The following RORB variants were observed in gnomAD, a reference collection of about 807,000 sequenced individuals.
The protein encoded by RORB is RAR related orphan receptor B.
In RORB, 6 loss-of-function variants were observed where a neutral mutation model predicts 59.1. The observed-to-expected ratio is 0.10, with a 90% CI of 0.06 to 0.20. The LOEUF (loss-of-function observed/expected upper bound fraction) is 0.20. RORB is among the 10% of genes least tolerant of loss of function. RORB has a pLI of 1.00. For missense variants in RORB, 320 were observed against 560.5 expected, an observed-to-expected ratio of 0.57 and a Z score of 4.33; for synonymous variants, 215 against 204.5, an observed-to-expected ratio of 1.05 and a Z score of -0.44.
At chr9:74,521,585 C>G (rs1356549705) in intron 1 of RORB, among the ~76,000 whole-genome samples, 1 of 151,786 alleles carries the variant, frequency 6.6e-6, no homozygotes, top group Non-Finnish European at 1.5e-5. Context: ...GCACAGCTTT[C>G]AATAATATAT....
chr9:74,515,763 T>G (rs1201645779), intron 1 of RORB, among the ~76,000 whole-genome samples: 1 of 151,992 alleles, frequency 6.6e-6, no homozygotes, highest in Non-Finnish European at 1.5e-5. Context: ...CATTCCCAAA[T>G]GACATCTGTA....
chr9:74,514,291 A>G (rs1825980357), intron 1 of RORB, among the ~76,000 whole-genome samples: 1 of 152,050 alleles, frequency 6.6e-6, no homozygotes, highest in South Asian at 2.1e-4. Flanking sequence ...TAGACCACAT[A>G]TCTGCAAACT....
chr9:74,674,707 C>T (rs1410557714), intron 9 of RORB, among the ~76,000 whole-genome samples: 1 of 152,084 alleles, frequency 6.6e-6, no homozygotes, highest in African/African-American at 2.4e-5. Flanking sequence ...ATTTCAATTC[C>T]CATGTGTTAA....
At chr9:74,571,070 A>T (rs538882701) in intron 1 of RORB, among the ~76,000 whole-genome samples, 127 of 152,120 alleles carry the variant, frequency 8.3e-4, no homozygotes, top group African/African-American at 2.9e-3. Context: ...AAATGTGTGC[A>T]TTAAAGTTTC....
At chr9:74,656,079 TA>T (rs1563965764) in intron 4 of RORB, among the ~76,000 whole-genome samples, 1 of 152,242 alleles carries the variant, frequency 6.6e-6, no homozygotes, top group African/African-American at 2.4e-5. Context: ...TCTGAGTGCT[TA>T]GGCTTTAAGA....
At position 74,634,707 on chromosome 9, in the gene RORB, C is replaced by T. The variant is rs779534868; in HGVS notation, c.170C>T (p.Thr57Met). The T allele has an allele frequency of 3.5e-5, 57 of 1,613,512 alleles. No individual in the cohort carries two copies. Among genetic ancestry groups the T allele is most frequent in the Admixed American group, 1.5e-4 (9 of 59,932 alleles). The part of the protein sequence containing the change: ...PRQRNCLIDR[T>M]NRNRCQHCRL... ...CAGAGAAACTGTTTAATTGACAGAA[C>T]GAACAGAAACCGTTGCCAACACTGC... The change falls in exon 3 of 10, where the codon ACG becomes ATG. Residue 57 changes from threonine (T) to methionine (M), a missense_variant. Physicochemically the swap from Thr to Met is moderately conservative, Grantham distance 81. Coordinates refer to ENST00000376896, the MANE Select transcript of RORB (RefSeq NM_006914.4).
chr9:74,595,156 C>T (rs1173342848), intron 1 of RORB, among the ~76,000 whole-genome samples: 2 of 152,170 alleles, frequency 1.3e-5, no homozygotes, highest in Admixed American at 1.3e-4. Flanking sequence ...GGTTATCTTC[C>T]TATTCAGAAA....
At chr9:74,538,004 T>C (rs1826346892) in intron 1 of RORB, among the ~76,000 whole-genome samples, 3 of 151,894 alleles carry the variant, frequency 2.0e-5, no homozygotes, top group Admixed American at 2.0e-4. Context: ...AATGGTAAGT[T>C]TCCTATATAG....
chr9:74,640,328 C>T (rs901467741), intron 3 of RORB, among the ~76,000 whole-genome samples: 1 of 152,050 alleles, frequency 6.6e-6, no homozygotes, highest in African/African-American at 2.4e-5. Context: ...GCAGTTTCTG[C>T]CTCCTGGGTT....
chr9:74,553,277 T>C (rs1446425214), intron 1 of RORB, among the ~76,000 whole-genome samples: 1 of 152,210 alleles, frequency 6.6e-6, no homozygotes, highest in East Asian at 1.9e-4. Flanking sequence ...GCCTCTTTTT[T>C]CATTTACATT....
rs79175441 is a variant in RORB, at chr9:74,586,670, G to A, written c.8-43612G>A. Among the ~76,000 whole-genome samples, 913 of 147,646 alleles carry A rather than the reference G, an allele frequency of 6.2e-3. 8 individuals carry two copies. Among genetic ancestry groups the A allele is most frequent in the African/African-American group, 0.021 (859 of 40,110 alleles). ...AGATTATTTTATTCTGGGAATCATT[G>A]TTCCTACTTCTTATGCTACTCCACA... On this transcript the variant is annotated intron_variant, in intron 1 of 9. Coordinates refer to ENST00000376896, the MANE Select transcript of RORB (RefSeq NM_006914.4).
chr9:74,528,363 G>T (rs1826187689), intron 1 of RORB, among the ~76,000 whole-genome samples: 1 of 151,996 alleles, frequency 6.6e-6, no homozygotes, highest in African/African-American at 2.4e-5. Context: ...GTTTATTCTG[G>T]TTAGTACTGC....
intron 1 of RORB, among the ~76,000 whole-genome samples, chr9:74,545,672 A>G (rs942801065): frequency 1.3e-5 from 2 of 152,238 alleles, no homozygotes. Flanking sequence ...GAAATTTCTC[A>G]GGAGAGAAAG....
At position 74,688,044 on chromosome 9, in the gene RORB, G is replaced by A. The variant is rs1824675207; in HGVS notation, c.*2426G>A. 6.6e-6 allele frequency: 1 copy of A among 152,176 alleles called. No individual in the cohort carries two copies. Among genetic ancestry groups the A allele is most frequent in the Non-Finnish European group, 1.5e-5 (1 of 68,036 alleles). The allele number at this position is 152,176 out of a possible 1,614,324, so 9.4% of individuals were successfully genotyped here. A position where few individuals can be genotyped will look rare whatever the true frequency, so the allele number is the denominator to read the frequency against. On this transcript the variant is annotated 3_prime_UTR_variant, in exon 10 of 10. Coordinates refer to ENST00000376896, the MANE Select transcript of RORB (RefSeq NM_006914.4). ...TTTAAATTGGCTCAATTGATGAAGT[G>A]GCTCAGAATTTTTTCCTCCCTTTTC...
chr9:74,591,593 T>C (rs1331857847), intron 1 of RORB, among the ~76,000 whole-genome samples: 1 of 152,204 alleles, frequency 6.6e-6, no homozygotes, highest in African/African-American at 2.4e-5. Context: ...AGTCTGATTA[T>C]TTATTTTACT....
At chr9:74,597,093 T>C (rs1822980291) in intron 1 of RORB, among the ~76,000 whole-genome samples, 1 of 152,182 alleles carries the variant, frequency 6.6e-6, no homozygotes, top group Non-Finnish European at 1.5e-5. Context: ...GCTCAGTCGG[T>C]CTGAAATTAG....
At chr9:74,591,644 C>T (rs114361382) in intron 1 of RORB, among the ~76,000 whole-genome samples, 228 of 152,248 alleles carry the variant, frequency 1.5e-3, no homozygotes, top group African/African-American at 5.3e-3. Context: ...TAGATGCTTT[C>T]ATGGAATTTG....
intron 1 of RORB, among the ~76,000 whole-genome samples, chr9:74,501,503 C>T (rs924761639): frequency 5.9e-5 from 9 of 152,128 alleles, no homozygotes; most frequent in South Asian, 2.1e-4. Flanking sequence ...GCTGGAAGGA[C>T]ATCTCTGTTA....
intron 1 of RORB, among the ~76,000 whole-genome samples, chr9:74,565,261 A>C (rs1822451574): frequency 6.6e-6 from 1 of 152,226 alleles, no homozygotes; most frequent in Non-Finnish European, 1.5e-5. Context: ...AATTCCACTT[A>C]TTCACAAATT....
Sources: gnomAD v4.1 joint callset for allele counts (sites outside exome capture counted in the v4.1 genomes callset) on GRCh38, gnomAD v4.1.1 for gene constraint, MANE v1.5 for transcripts, NCBI Gene and HGNC (gene_info 2026-07-23, HGNC 2026-07-21) for gene names.